The following KLF8 variants were observed in gnomAD, a reference collection of about 807,000 sequenced individuals.
KLF8 encodes the protein KLF transcription factor 8, also known as Krueppel-like factor 8.
Under a neutral mutation model 18.2 loss-of-function variants are expected in KLF8, and 10 were observed. That is an observed-to-expected ratio of 0.55 (90% CI 0.34 to 0.93). The LOEUF (loss-of-function observed/expected upper bound fraction) is 0.93, where lower values mean the gene tolerates loss of function less well. Among genes scored for constraint, KLF8 ranks in the 40% least tolerant of loss-of-function variants. The probability of loss-of-function intolerance (pLI) is 0.02; values close to 1 mark genes in which losing one functional copy is unlikely to be tolerated. For synonymous variants in KLF8, 109 were observed against 97.3 expected (o/e 1.12, Z -0.71); for missense variants, 264 against 277.9 (o/e 0.95, Z 0.36).
the KLF8 span, among the ~76,000 whole-genome samples, chrX:56,153,245 C>T: frequency 9.1e-6 from 1 of 110,454 alleles, no homozygotes; most frequent in Non-Finnish European, 1.9e-5. Flanking sequence ...CCTATAGCCC[C>T]AGCTACTTGG....
chrX:56,103,452 T>A, the KLF8 span, among the ~76,000 whole-genome samples: 2 of 111,546 alleles, frequency 1.8e-5, no homozygotes, highest in Non-Finnish European at 3.8e-5. Context: ...GATTCCTAGG[T>A]ATTTTATTCT....
chrX:56,097,002 A>C, the KLF8 span, among the ~76,000 whole-genome samples: 1 of 111,053 alleles, frequency 9.0e-6, no homozygotes, highest in Non-Finnish European at 1.9e-5. Context: ...TCAAAGCACA[A>C]AAAAAAGATA....
the KLF8 span, among the ~76,000 whole-genome samples, chrX:56,106,100 G>C: frequency 9.0e-6 from 1 of 111,042 alleles, no homozygotes; most frequent in Non-Finnish European, 1.9e-5. Context: ...TTAGTCTGAT[G>C]GGCTTCCCTT....
At chrX:55,933,251 G>A in the KLF8 span, among the ~76,000 whole-genome samples, 1 of 111,180 alleles carries the variant, frequency 9.0e-6, no homozygotes, top group Non-Finnish European at 1.9e-5. Context: ...ATGACTATAT[G>A]GTTGTCCAGT....
the KLF8 span, among the ~76,000 whole-genome samples, chrX:56,010,288 A>G: frequency 1.8e-5 from 2 of 112,181 alleles, no homozygotes; most frequent in Non-Finnish European, 3.8e-5. Context: ...ACAAGCCAGA[A>G]GAGATTGGGG....
the KLF8 span, among the ~76,000 whole-genome samples, chrX:55,943,929 G>A: frequency 8.9e-6 from 1 of 111,770 alleles, no homozygotes; most frequent in Admixed American, 9.5e-5. Flanking sequence ...ATAAAATTAT[G>A]CATTGAACTC....
the KLF8 span, among the ~76,000 whole-genome samples, chrX:56,009,245 C>A: frequency 9.9e-5 from 11 of 111,181 alleles, no homozygotes; most frequent in African/African-American, 3.6e-4. Flanking sequence ...AAGGAGCAGG[C>A]AGCCATCTTT....
the KLF8 span, among the ~76,000 whole-genome samples, chrX:56,213,701 C>A: frequency 4.5e-5 from 5 of 111,160 alleles, no homozygotes; most frequent in Admixed American, 2.9e-4. Context: ...AATATTAAGA[C>A]AACATCTGGT....
At chrX:56,120,466 A>G in the KLF8 span, among the ~76,000 whole-genome samples, 1 of 111,837 alleles carries the variant, frequency 8.9e-6, no homozygotes, top group East Asian at 2.8e-4. Flanking sequence ...GTGTCCAACT[A>G]TTTGTCTGTG....
chrX:56,137,205 C>T, the KLF8 span, among the ~76,000 whole-genome samples: 7 of 109,640 alleles, frequency 6.4e-5, no homozygotes, highest in Non-Finnish European at 1.1e-4. Flanking sequence ...GGTGATTCCT[C>T]AAGGATCTAG....
At chrX:56,070,668 G>A in the KLF8 span, among the ~76,000 whole-genome samples, 2 of 109,735 alleles carry the variant, frequency 1.8e-5, no homozygotes, top group African/African-American at 6.7e-5. Flanking sequence ...GTTGAGTGGG[G>A]GCAAGGGGAA....
At chrX:56,259,347 T>G (rs1370802133) in intron 2 of KLF8, among the ~76,000 whole-genome samples, 1 of 111,096 alleles carries the variant, frequency 9.0e-6, no homozygotes, top group Admixed American at 9.6e-5. Context: ...TGAACAATAT[T>G]TCCATGATAC....
At chrX:56,134,379 T>G in the KLF8 span, among the ~76,000 whole-genome samples, 6 of 111,718 alleles carry the variant, frequency 5.4e-5, no homozygotes, top group Admixed American at 9.5e-5. Context: ...TACAGCCAAC[T>G]GATCTTCAAC....
chrX:56,256,379 C>A (rs1174190931), intron 2 of KLF8, among the ~76,000 whole-genome samples: 1 of 110,483 alleles, frequency 9.1e-6, no homozygotes, highest in Non-Finnish European at 1.9e-5. Context: ...TCTTTTAATT[C>A]TCCTCTCATC....
At chrX:56,177,943 G>T in the KLF8 span, among the ~76,000 whole-genome samples, 18 of 111,940 alleles carry the variant, frequency 1.6e-4, no homozygotes, top group African/African-American at 5.8e-4. Flanking sequence ...TACTAAGACT[G>T]TTGGAAAAGT....
chrX:55,923,025 G>A, the KLF8 span, among the ~76,000 whole-genome samples: 2 of 111,105 alleles, frequency 1.8e-5, no homozygotes, highest in African/African-American at 6.5e-5. Context: ...ATATATGTAT[G>A]CATATGTTCA....
chrX:55,983,012 G>A, the KLF8 span, among the ~76,000 whole-genome samples: 1 of 111,395 alleles, frequency 9.0e-6, no homozygotes, highest in Non-Finnish European at 1.9e-5. Flanking sequence ...AAGTCAACGT[G>A]GAAATCTATG....
chrX:56,269,203 A>T (rs947027111), intron 3 of KLF8, 175 bp from the exon 4 acceptor site: 1 of 1,039,299 alleles, frequency 9.6e-7, no homozygotes, highest in Non-Finnish European at 1.2e-6. Context: ...AAAAAAAAAA[A>T]ATAAAATGTT....
the KLF8 span, among the ~76,000 whole-genome samples, chrX:56,041,190 T>C: frequency 9.1e-6 from 1 of 110,174 alleles, no homozygotes; most frequent in Non-Finnish European, 1.9e-5. Context: ...AATGGCATGA[T>C]CTCGGCTCAC....
Sources: allele counts gnomAD v4.1 joint callset (sites outside exome capture counted in the v4.1 genomes callset), GRCh38; gene constraint gnomAD v4.1.1; transcripts MANE v1.5; gene names NCBI Gene and HGNC (gene_info 2026-07-23, HGNC 2026-07-21).